Variants in EYS observed in about 807,000 individuals in gnomAD.
EYS encodes the protein EGF-like photoreceptor maintenance factor, also known as protein eyes shut homolog.
In EYS, 250 loss-of-function variants were observed where a neutral mutation model predicts 282.1. The ratio of observed to expected loss-of-function variants is 0.89; its 90% CI spans 0.80 to 0.98. The LOEUF (loss-of-function observed/expected upper bound fraction) is 0.98, where lower values mean the gene tolerates loss of function less well. EYS is among the 50% of genes least tolerant of loss of function. EYS has a pLI of 0.00. For missense variants in EYS, 4,016 were observed against 3,709.0 expected, an observed-to-expected ratio of 1.08 and a Z score of -2.15; for synonymous variants, 1,355 against 1,282.9, an observed-to-expected ratio of 1.06 and a Z score of -1.20.
At chr6:65,095,597 A>T (rs1226116414) in intron 12 of EYS, among the ~76,000 whole-genome samples, 1 of 151,200 alleles carries the variant, frequency 6.6e-6, no homozygotes, top group East Asian at 1.9e-4. Context: ...TATCTTTCTA[A>T]TGAAGAAGAG....
chr6:65,541,642 G>A (rs984697562), intron 2 of EYS, among the ~76,000 whole-genome samples: 1 of 149,818 alleles, frequency 6.7e-6, no homozygotes, highest in African/African-American at 2.4e-5. Flanking sequence ...ATCACTAGAT[G>A]CATAACATTT....
At chr6:64,254,913 C>T (rs373997896) in intron 30 of EYS, among the ~76,000 whole-genome samples, 20 of 152,030 alleles carry the variant, frequency 1.3e-4, no homozygotes, top group East Asian at 7.8e-4. Flanking sequence ...AGGGGAAGGA[C>T]GAAGTTTTGA....
intron 11 of EYS, chr6:65,332,550 G>A: frequency 1.4e-6 from 1 of 723,462 alleles, no homozygotes; most frequent in South Asian, 1.8e-5. Context: ...GGTATACAGA[G>A]GGTTTATAGT....
At chr6:63,953,621 C>T (rs568047056) in intron 35 of EYS, among the ~76,000 whole-genome samples, 2 of 152,188 alleles carry the variant, frequency 1.3e-5, no homozygotes, top group Admixed American at 1.3e-4. Context: ...ATAGTTTTAC[C>T]ATCCTGGCTA....
intron 12 of EYS, among the ~76,000 whole-genome samples, chr6:65,116,464 T>C (rs531008560): frequency 5.7e-4 from 87 of 152,184 alleles, no homozygotes; most frequent in African/African-American, 1.8e-3. Flanking sequence ...GTGGATCACT[T>C]AAAGAGATAA....
intron 16 of EYS, among the ~76,000 whole-genome samples, chr6:64,906,611 T>C (rs1005327526): frequency 2.6e-5 from 4 of 152,220 alleles, no homozygotes; most frequent in Non-Finnish European, 5.9e-5. Flanking sequence ...TGCAATTCCA[T>C]CAAGCGTAGG....
intron 24 of EYS, among the ~76,000 whole-genome samples, chr6:64,616,159 G>A (rs893896910): frequency 2.0e-5 from 3 of 151,976 alleles, no homozygotes; most frequent in Admixed American, 6.6e-5. Context: ...CGTATCTAAG[G>A]CTGCACTGGC....
At chr6:65,400,754 G>A (rs557986482) in intron 7 of EYS, among the ~76,000 whole-genome samples, 9 of 151,948 alleles carry the variant, frequency 5.9e-5, no homozygotes, top group African/African-American at 2.2e-4. Context: ...TTCAGGTAGG[G>A]AAACTAATAT....
chr6:63,912,635 A>G (rs1581968572), intron 35 of EYS, among the ~76,000 whole-genome samples: 1 of 152,004 alleles, frequency 6.6e-6, no homozygotes. Flanking sequence ...GTAATCCCCA[A>G]TGTTGGAGGG....
At chr6:65,202,924 T>C (rs542497882) in intron 12 of EYS, among the ~76,000 whole-genome samples, 1 of 152,172 alleles carries the variant, frequency 6.6e-6, no homozygotes, top group South Asian at 2.1e-4. Flanking sequence ...GCCTGAGAGC[T>C]TCCACTAGAC....
intron 18 of EYS, among the ~76,000 whole-genome samples, chr6:64,901,586 ATTCTAC>A (rs1468434107): frequency 5.3e-5 from 8 of 152,108 alleles, no homozygotes; most frequent in African/African-American, 9.7e-5. Flanking sequence ...TGGTTCAACA[ATTCTAC>A]TTCTATGTAT....
At chr6:64,389,214 A>G (rs981751785) in intron 28 of EYS, among the ~76,000 whole-genome samples, 2 of 152,206 alleles carry the variant, frequency 1.3e-5, no homozygotes, top group Non-Finnish European at 2.9e-5. Flanking sequence ...ATGCAGTCAT[A>G]CAGTGTACAA....
chr6:65,047,461 T>C (rs888569932), intron 13 of EYS, among the ~76,000 whole-genome samples: 2 of 151,956 alleles, frequency 1.3e-5, no homozygotes. Context: ...GTCCCAAATA[T>C]TTTCTCTTAT....
At chr6:65,375,587 C>T (rs1273390835) in intron 8 of EYS, among the ~76,000 whole-genome samples, 1 of 151,992 alleles carries the variant, frequency 6.6e-6, no homozygotes, top group African/African-American at 2.4e-5. Flanking sequence ...ATAACAAACT[C>T]CTCTGAGCTA....
At chr6:64,848,902 AT>A (rs1348478615) in intron 19 of EYS, among the ~76,000 whole-genome samples, 2 of 152,096 alleles carry the variant, frequency 1.3e-5, no homozygotes, top group Non-Finnish European at 2.9e-5. Context: ...AATTTCTGTT[AT>A]CAGTCCCATA....
Position 64,038,140 on chromosome 6 carries a change from G to A in EYS, c.6725+28198C>T, listed in dbSNP as rs114624686. On this transcript the variant is annotated intron_variant, in intron 33 of 42. Coordinates refer to ENST00000503581, the MANE Select transcript of EYS (RefSeq NM_001142800.2). ...GTTACCAGAGGCTGGGGTGGTTGAGGCTGGGGGTTAAGTGGGGATGTGGAT... is the reference window on the plus strand; with the variant it reads ...GTTACCAGAGGCTGGGGTGGTTGAGACTGGGGGTTAAGTGGGGATGTGGAT... Among the ~76,000 whole-genome samples the A allele has an allele frequency of 7.9e-3, 1,202 of 152,024 alleles. 14 individuals are homozygous for A. The highest frequency in any genetic ancestry group is 0.027 in the African/African-American group (1,107 of 41,450).
intron 19 of EYS, among the ~76,000 whole-genome samples, chr6:64,856,490 C>T (rs150286859): frequency 4.9e-4 from 75 of 151,972 alleles, no homozygotes; most frequent in Admixed American, 8.5e-4. Context: ...TAGAAGATGG[C>T]GTTTTGTCAT....
rs543469036 is a variant in EYS, at chr6:64,321,829, T to C, written c.6079-14747A>G. 2.0e-5 allele frequency among the ~76,000 whole-genome samples: 3 copies of C among 152,070 alleles called. No individual in the cohort carries two copies. The South Asian group carries it at 6.2e-4, about 32-fold the overall frequency. ...AGGCCAACTATCACATGTTAGTCTA[T>C]AAATATCTTAAATGTGGGACTTTAG... On this transcript the variant is annotated intron_variant, in intron 29 of 42. Coordinates refer to ENST00000503581, the MANE Select transcript of EYS (RefSeq NM_001142800.2).
chr6:64,952,102 A>G (rs1291212173), intron 14 of EYS, among the ~76,000 whole-genome samples: 2 of 152,038 alleles, frequency 1.3e-5, no homozygotes, highest in East Asian at 3.9e-4. Flanking sequence ...AGGGACACAA[A>G]GATCACAACT....
Sources: allele counts gnomAD v4.1 joint callset (sites outside exome capture counted in the v4.1 genomes callset), GRCh38; gene constraint gnomAD v4.1.1; transcripts MANE v1.5; gene names NCBI Gene and HGNC (gene_info 2026-07-23, HGNC 2026-07-21).